The following CCDC171 variants were observed in gnomAD, a reference collection of about 807,000 sequenced individuals.
CCDC171 encodes the protein coiled-coil domain containing 171, also known as coiled-coil domain-containing protein 171.
A neutral mutation model predicts 168.2 loss-of-function variants in CCDC171; 177 were observed. The observed-to-expected ratio is 1.05, with a 90% confidence interval of 0.93 to 1.19. CCDC171 has a LOEUF of 1.19. Among genes scored for constraint, CCDC171 ranks in the 50% most tolerant of loss-of-function variants. The pLI, the probability that CCDC171 is intolerant of heterozygous loss-of-function variation, is 0.00. For synonymous variants in CCDC171, 687 were observed against 540.8 expected (o/e 1.27, Z -3.75); for missense variants, 1,991 against 1,539.0 (o/e 1.29, Z -4.91).
intron 1 of CCDC171, among the ~76,000 whole-genome samples, chr9:15,560,199 A>T (rs1004458388): frequency 2.0e-5 from 3 of 151,856 alleles, no homozygotes; most frequent in Non-Finnish European, 4.4e-5. Context: ...TCTGACAATT[A>T]TGTGTCTTGG....
chr9:15,649,152 A>G (rs1436989118), intron 7 of CCDC171, among the ~76,000 whole-genome samples: 2 of 152,210 alleles, frequency 1.3e-5, no homozygotes, highest in Non-Finnish European at 2.9e-5. Context: ...TGGGGAATGG[A>G]TTCCCTATTT....
chr9:16,082,264 G>A, the CCDC171 span, among the ~76,000 whole-genome samples: 1 of 152,182 alleles, frequency 6.6e-6, no homozygotes, highest in African/African-American at 2.4e-5. Flanking sequence ...TGGAGAATGA[G>A]GGGCTTTATG....
Position 15,995,005 on chromosome 9 carries a change from G to A in CCDC171, n.369-25584G>A, listed in dbSNP as rs565215144. Among the ~76,000 whole-genome samples, 13 of 152,236 alleles carry A rather than the reference G, an allele frequency of 8.5e-5. No individual in the cohort carries two copies. The East Asian group carries it at 1.3e-3, about 16-fold the overall frequency. On this transcript the variant is annotated intron_variant and non_coding_transcript_variant, in intron 3 of 9. Coordinates refer to the CCDC171 transcript ENST00000486641. Reference sequence around the variant, plus strand: ...AATTACAGGCCAGAGGTTGTGCCAGGCATGCCCAGCTGTGTTTTTAGTTGC... The same window carrying A: ...AATTACAGGCCAGAGGTTGTGCCAGACATGCCCAGCTGTGTTTTTAGTTGC...
intron 7 of CCDC171, among the ~76,000 whole-genome samples, chr9:15,642,873 T>G (rs2046751125): frequency 6.6e-6 from 1 of 152,152 alleles, no homozygotes; most frequent in African/African-American, 2.4e-5. Flanking sequence ...ATTAATTAAC[T>G]AATTAATATA....
chr9:15,992,037 T>C (rs1338084538), intron 3 of CCDC171, among the ~76,000 whole-genome samples: 3 of 152,136 alleles, frequency 2.0e-5, no homozygotes, highest in African/African-American at 4.8e-5. Context: ...TGAAACTATT[T>C]CAATCAGTAG....
intron 11 of CCDC171, among the ~76,000 whole-genome samples, chr9:15,712,889 A>G (rs2052778793): frequency 6.6e-6 from 1 of 152,194 alleles, no homozygotes; most frequent in Non-Finnish European, 1.5e-5. Flanking sequence ...TTTTGTAAAG[A>G]CAAAGATGGC....
the CCDC171 span, among the ~76,000 whole-genome samples, chr9:16,090,012 C>A: frequency 5.9e-5 from 9 of 152,172 alleles, no homozygotes; most frequent in African/African-American, 1.2e-4. Flanking sequence ...GACAGTGTGG[C>A]AATTCCTCAG....
At chr9:16,081,332 C>A in the CCDC171 span, among the ~76,000 whole-genome samples, 7 of 152,174 alleles carry the variant, frequency 4.6e-5, no homozygotes, top group African/African-American at 1.7e-4. Context: ...CAAGCCATCT[C>A]CCTTACTGGT....
chr9:15,993,294 A>G (rs1278796415), intron 3 of CCDC171, among the ~76,000 whole-genome samples: 1 of 152,162 alleles, frequency 6.6e-6, no homozygotes, highest in Non-Finnish European at 1.5e-5. Context: ...AATACCACAC[A>G]TCTACAACCA....
intron 3 of CCDC171, among the ~76,000 whole-genome samples, chr9:15,996,417 CT>C (rs34798326): frequency 0.45 from 31,958 of 70,302 alleles, 3,508 homozygotes; most frequent in South Asian, 0.6. Flanking sequence ...CTAGGAGGCT[CT>C]TTTTTTTTTT....
intron 1 of CCDC171, among the ~76,000 whole-genome samples, chr9:16,055,345 G>A (rs1352356671): frequency 1.3e-5 from 2 of 152,132 alleles, no homozygotes; most frequent in East Asian, 3.9e-4. Flanking sequence ...GGGTCCTCTT[G>A]GTGGCTAAAG....
the CCDC171 span, among the ~76,000 whole-genome samples, chr9:16,089,770 G>A: frequency 6.6e-6 from 1 of 151,508 alleles, no homozygotes; most frequent in Non-Finnish European, 1.5e-5. Flanking sequence ...ATGGGCAAAG[G>A]ATATGAACAG....
Position 15,784,526 on chromosome 9 carries a change from G to C in CCDC171, c.3099G>C (p.Glu1033Asp). 6.2e-7 allele frequency: 1 copy of C among 1,612,518 alleles called. No individual in the cohort carries two copies. Among genetic ancestry groups the C allele is most frequent in the South Asian group, 1.1e-5 (1 of 90,966 alleles). The change falls in exon 21 of 26, where the codon GAG becomes GAC. Residue 1033 changes from glutamate to aspartate, a missense_variant. Glu to Asp is a conservative substitution (Grantham distance 45). Coordinates refer to ENST00000380701, the MANE Select transcript of CCDC171 (RefSeq NM_173550.4). ...TTTTACAGAAATTGATCACCCATGA[G>C]AAGTTTGAAAGTGCATGTGAAGAAC... ...EFKQSKLITH[E>D]KFESACEELN... is the part of the protein sequence containing the mutation.
intron 23 of CCDC171, among the ~76,000 whole-genome samples, chr9:15,852,431 G>A (rs554315536): frequency 7.3e-4 from 111 of 151,746 alleles, no homozygotes; most frequent in Non-Finnish European, 1.0e-3. Flanking sequence ...TGGGTTGATT[G>A]TCTTTTTGTT....
intron 3 of CCDC171, among the ~76,000 whole-genome samples, chr9:15,575,447 A>G (rs1230823175): frequency 6.6e-6 from 1 of 152,056 alleles, no homozygotes; most frequent in Non-Finnish European, 1.5e-5. Flanking sequence ...GTGCTGGGAC[A>G]ACAGGTGTGA....
chr9:15,838,208 G>C (rs2060530325), intron 21 of CCDC171, among the ~76,000 whole-genome samples: 1 of 152,066 alleles, frequency 6.6e-6, no homozygotes, highest in Non-Finnish European at 1.5e-5. Flanking sequence ...AGTAAATTTT[G>C]ATATAATACT....
chr9:15,808,333 A>G (rs1047737227), intron 21 of CCDC171, among the ~76,000 whole-genome samples: 3 of 152,236 alleles, frequency 2.0e-5, no homozygotes, highest in South Asian at 2.1e-4. Flanking sequence ...AGGCATTTGA[A>G]TGCTTAGATG....
rs558506160 is a variant in CCDC171, at chr9:15,815,029, T to A, written c.3267+30335T>A. 6.6e-4 allele frequency among the ~76,000 whole-genome samples: 100 copies of A among 152,284 alleles called. 1 individual carries two copies. Among genetic ancestry groups the A allele is most frequent in the African/African-American group, 2.2e-3 (93 of 41,578 alleles). On this transcript the variant is annotated intron_variant, in intron 21 of 25. Coordinates refer to ENST00000380701, the MANE Select transcript of CCDC171 (RefSeq NM_173550.4). ...TAGACATTGGTCAACTGAGACTGGC[T>A]TAGGGGGAAAAAATAAAGATTTATT...
chr9:15,601,149 C>G (rs763789908), intron 6 of CCDC171, among the ~76,000 whole-genome samples: 7 of 152,188 alleles, frequency 4.6e-5, no homozygotes, highest in Non-Finnish European at 1.0e-4. Flanking sequence ...GTCCTGCACC[C>G]ACTCTCTGAC....
Sources: allele counts gnomAD v4.1 joint callset (sites outside exome capture counted in the v4.1 genomes callset), GRCh38; gene constraint gnomAD v4.1.1; transcripts MANE v1.5; gene names NCBI Gene and HGNC (gene_info 2026-07-23, HGNC 2026-07-21).